Variants in FOXN3 observed in about 807,000 individuals in gnomAD.
FOXN3 encodes forkhead box protein N3.
Under a neutral mutation model 38.4 loss-of-function variants are expected in FOXN3, and 7 were observed. The observed-to-expected ratio is 0.18, with a 90% CI of 0.10 to 0.34. FOXN3 has a LOEUF of 0.34. FOXN3 is among the 10% of genes least tolerant of loss of function. The probability of loss-of-function intolerance (pLI) is 1.00; values close to 1 mark genes in which losing one functional copy is unlikely to be tolerated. For synonymous variants in FOXN3, 230 were observed against 242.2 expected, an observed-to-expected ratio of 0.95 and a Z score of 0.47; for missense variants, 456 against 613.4, an observed-to-expected ratio of 0.74 and a Z score of 2.71.
chr14:89,467,006 T>C (rs539952125), intron 1 of FOXN3, among the ~76,000 whole-genome samples: 1 of 152,312 alleles, frequency 6.6e-6, no homozygotes, highest in African/African-American at 2.4e-5. Flanking sequence ...AAAAGCAGCG[T>C]TAGCTTTCGT....
chr14:89,524,293 G>A (rs75953665), intron 1 of FOXN3, among the ~76,000 whole-genome samples: 10,953 of 136,828 alleles, frequency 0.08, 552 homozygotes, highest in East Asian at 0.15. Flanking sequence ...AGAATGGTGT[G>A]AAACCCGGGG....
chr14:89,416,361 C>A (rs1891724383), intron 1 of FOXN3, among the ~76,000 whole-genome samples: 1 of 152,184 alleles, frequency 6.6e-6, no homozygotes, highest in African/African-American at 2.4e-5. Flanking sequence ...GCCTCGAAAA[C>A]AAATCAATAA....
At chr14:89,475,110 G>A (rs539634217) in intron 1 of FOXN3, among the ~76,000 whole-genome samples, 6 of 152,152 alleles carry the variant, frequency 3.9e-5, no homozygotes, top group Admixed American at 1.3e-4. Flanking sequence ...CACCGCGCCC[G>A]GCCAGGTGTT....
rs57236792 is a variant in FOXN3 at position 89,285,523 on chromosome 14, C to CA, written c.681-4510dup. 1.1e-3 allele frequency among the ~76,000 whole-genome samples: 140 copies of CA among 132,560 alleles called. 1 individual carries two copies. Among genetic ancestry groups the CA allele is most frequent in the East Asian group, 4.0e-3 (19 of 4,762 alleles). 87.0% of individuals were successfully genotyped at this position (132,560 alleles called of 152,430 possible). A position where few individuals can be genotyped will look rare whatever the true frequency, so the allele number is the denominator to read the frequency against. On this transcript the variant is annotated intron_variant, in intron 3 of 5. Transcript: ENST00000557258. The stretch of plus-strand genomic sequence containing the variant: ...GACAGAGCAAGACTCCGTCTCAAAA[C>CA]AAAAAAAAAAAAAGAGAGAGAGAAG...
intron 4 of FOXN3, among the ~76,000 whole-genome samples, chr14:89,206,345 C>T (rs1455375059): frequency 1.3e-5 from 2 of 152,152 alleles, no homozygotes; most frequent in African/African-American, 2.4e-5. Flanking sequence ...GTGGATGCTG[C>T]GTATTCATTC....
intron 1 of FOXN3, among the ~76,000 whole-genome samples, chr14:89,450,090 G>T (rs7158072): frequency 6.6e-6 from 1 of 151,964 alleles, no homozygotes; most frequent in African/African-American, 2.4e-5. Context: ...TGGCCCATCC[G>T]CTCCATTTTC....
intron 1 of FOXN3, among the ~76,000 whole-genome samples, chr14:89,445,052 G>T (rs988120717): frequency 6.6e-6 from 1 of 151,932 alleles, no homozygotes; most frequent in Admixed American, 6.6e-5. Flanking sequence ...AGCCCAGGAG[G>T]TTGAGGCTGA....
chr14:89,273,862 G>T (rs1886224134), intron 4 of FOXN3, among the ~76,000 whole-genome samples: 1 of 152,182 alleles, frequency 6.6e-6, no homozygotes, highest in African/African-American at 2.4e-5. Flanking sequence ...GAAACCAGAG[G>T]GCCTCTGCAG....
intron 1 of FOXN3, among the ~76,000 whole-genome samples, chr14:89,610,152 G>C (rs1408527487): frequency 1.3e-5 from 2 of 152,188 alleles, no homozygotes; most frequent in African/African-American, 4.8e-5. Context: ...AGAAGGAACT[G>C]AAGAGGAAAG....
At position 89,457,020 on chromosome 14, in the gene FOXN3, A is replaced by G. The variant is rs561980919; in HGVS notation, c.-14-44530T>C. Among the ~76,000 whole-genome samples, 4 of 152,334 alleles carry G rather than the reference A, an allele frequency of 2.6e-5. No individual in the cohort carries two copies. The East Asian group carries it at 7.7e-4, about 29-fold the overall frequency. ...TGGGAAGTAAATTTGTATCACCGTTATTAATGATTCAGACTCACACTGCAG... is the reference window on the plus strand; with the variant it reads ...TGGGAAGTAAATTTGTATCACCGTTGTTAATGATTCAGACTCACACTGCAG... On this transcript the variant is annotated intron_variant, in intron 1 of 6. Coordinates refer to the FOXN3 transcript ENST00000345097.
intron 3 of FOXN3, chr14:89,284,318 C>G (rs1420623458): frequency 5.5e-6 from 2 of 365,596 alleles, no homozygotes; most frequent in East Asian, 1.5e-4. Context: ...CCACCTTCCC[C>G]GTTCTATAGG....
rs142187780 is a variant in FOXN3 at position 89,292,651 on chromosome 14, G to A, written c.681-11637C>T. Among the ~76,000 whole-genome samples the A allele has an allele frequency of 1.5e-3, 221 of 152,220 alleles. 2 individuals are homozygous for A. Among genetic ancestry groups the A allele is most frequent in the African/African-American group, 5.0e-3 (209 of 41,536 alleles). On this transcript the variant is annotated intron_variant, in intron 3 of 5. Transcript: ENST00000557258. ...GCTCCTCTCCTCTGGAGGGTACAGC[G>A]TTCAAGGCCCCATTTTGCAAGCAGC...
At chr14:89,466,063 C>T (rs143825678) in intron 1 of FOXN3, among the ~76,000 whole-genome samples, 2,154 of 152,326 alleles carry the variant, frequency 0.014, 44 homozygotes, top group African/African-American at 0.049. Context: ...CGTCACTGAG[C>T]AGGTGGGTAG....
At chr14:89,455,997 C>T (rs953289690) in intron 1 of FOXN3, among the ~76,000 whole-genome samples, 1 of 151,678 alleles carries the variant, frequency 6.6e-6, no homozygotes, top group Non-Finnish European at 1.5e-5. Context: ...AGTTTGAGAC[C>T]AGCCTGACCA....
At chr14:89,498,652 G>C (rs984951062) in intron 1 of FOXN3, among the ~76,000 whole-genome samples, 2 of 152,078 alleles carry the variant, frequency 1.3e-5, no homozygotes, top group African/African-American at 2.4e-5. Context: ...ATTTGGTCAC[G>C]CTACTGTTGG....
chr14:89,286,483 GCA>G (rs1385327056), intron 3 of FOXN3, among the ~76,000 whole-genome samples: 2 of 152,134 alleles, frequency 1.3e-5, no homozygotes, highest in East Asian at 1.9e-4. Context: ...AAGCAACCGA[GCA>G]CAGAGTCCTA....
chr14:89,495,001 G>A (rs1372443906), intron 1 of FOXN3, among the ~76,000 whole-genome samples: 3 of 152,134 alleles, frequency 2.0e-5, no homozygotes, highest in Non-Finnish European at 4.4e-5. Context: ...CTCATTCACT[G>A]CACCTAAAAG....
At chr14:89,317,969 T>A (rs1469512493) in intron 3 of FOXN3, among the ~76,000 whole-genome samples, 1 of 149,918 alleles carries the variant, frequency 6.7e-6, no homozygotes, top group African/African-American at 2.5e-5. Context: ...AACAGTTTCA[T>A]CCCAAAACTA....
chr14:89,365,961 T>TTAATAAAG (rs1448842004), intron 2 of FOXN3, among the ~76,000 whole-genome samples: 1 of 152,184 alleles, frequency 6.6e-6, no homozygotes, highest in Non-Finnish European at 1.5e-5. Context: ...CTGTAATAAC[T>TTAATAAAG]TTATTATAGG....
Sources: gnomAD v4.1 joint callset for allele counts (sites outside exome capture counted in the v4.1 genomes callset) on GRCh38, gnomAD v4.1.1 for gene constraint, MANE v1.5 for transcripts, NCBI Gene and HGNC (gene_info 2026-07-23, HGNC 2026-07-21) for gene names.